Variants in CD38 observed in about 807,000 individuals in gnomAD.
CD38 encodes ADP-ribosyl cyclase/cyclic ADP-ribose hydrolase 1.
Under a neutral mutation model 36.3 loss-of-function variants are expected in CD38, and 31 were observed. The observed-to-expected ratio is 0.85, with a 90% CI of 0.64 to 1.15. CD38 has a LOEUF of 1.15. Among genes scored for constraint, CD38 ranks in the 50% most tolerant of loss-of-function variants. CD38 has a pLI of 0.00. For missense variants in CD38, 380 were observed against 371.9 expected, an observed-to-expected ratio of 1.02 and a Z score of -0.18; for synonymous variants, 131 against 135.2, an observed-to-expected ratio of 0.97 and a Z score of 0.22.
chr4:15,840,431 ACTTTCTT>A lies in CD38; in HGVS notation c.753-12_753-6del, dbSNP rs754374353. ...GTTTGTGAGATCTTGTAATTTTAAT[ACTTTCTT>A]CTTTCTTCCCCAGAGACTTATGCCA... On this transcript the variant is annotated splice_polypyrimidine_tract_variant and intron_variant, in intron 6 of 7. Coordinates refer to ENST00000226279, the MANE Select transcript of CD38 (RefSeq NM_001775.4). 172 of 1,479,888 alleles carry A rather than the reference ACTTTCTT, an allele frequency of 1.2e-4. No homozygotes were observed. Among genetic ancestry groups the A allele is most frequent in the Non-Finnish European group, 1.4e-4 (147 of 1,068,454 alleles). 91.7% of individuals were successfully genotyped at this position (1,479,888 alleles called of 1,614,324 possible).
intron 1 of CD38, among the ~76,000 whole-genome samples, chr4:15,805,920 A>T (rs1051790184): frequency 1.3e-5 from 2 of 152,204 alleles, no homozygotes; most frequent in African/African-American, 4.8e-5. Flanking sequence ...TGACAGCTGT[A>T]AAATTTAAAG....
intron 2 of CD38, among the ~76,000 whole-genome samples, chr4:15,821,210 A>G (rs750909646): frequency 3.3e-5 from 5 of 152,200 alleles, no homozygotes; most frequent in Non-Finnish European, 5.9e-5. Context: ...GGAAATTTAT[A>G]GCACTAAATG....
Position 15,848,503 on chromosome 4 carries a change from G to A in CD38, c.840-36G>A, listed in dbSNP as rs113397939. The A allele has an allele frequency of 2.3e-4, 361 of 1,536,638 alleles. 1 individual carries two copies. In the African/African-American group the frequency reaches 3.8e-3, roughly 16 times the overall value. On this transcript the variant is annotated intron_variant, in intron 7 of 7. Coordinates refer to ENST00000226279, the MANE Select transcript of CD38 (RefSeq NM_001775.4). ...GAATTGGACGACAGATGTATCCTAC[G>A]GTCTCTTGATTTCCTTTTTTGCTTT...
At position 15,848,562 on chromosome 4, in the gene CD38, T is replaced by C. The variant is rs1380894533; in HGVS notation, c.863T>C (p.Val288Ala). 6.2e-7 allele frequency: 1 copy of C among 1,613,978 alleles called. No homozygotes were observed. Among genetic ancestry groups the C allele is most frequent in the Non-Finnish European group, 8.5e-7 (1 of 1,179,858 alleles). Residue 288 changes from valine to alanine, a missense_variant, in exon 8 of 8, where the codon GTG becomes GCG. Physicochemically the swap from Val to Ala is moderately conservative, Grantham distance 64. Transcript: ENST00000226279. ...AGACCTGACAAGTTTCTTCAGTGTG[T>C]GAAAAATCCTGAGGATTCATCTTGC... The part of the protein sequence containing the change: ...IYRPDKFLQC[V>A]KNPEDSSCTS...
chr4:15,840,644 G>T, intron 7 of CD38, 106 bp downstream of exon 7: 1 of 655,574 alleles, frequency 1.5e-6, no homozygotes. Flanking sequence ...AATCTTTCTT[G>T]GGCCTTGATG....
rs183116480 is a variant in CD38 at position 15,778,403 on chromosome 4, G to C, written c.-12G>C. The C allele has an allele frequency of 1.2e-6, 2 of 1,605,610 alleles. No individual in the cohort carries two copies. Among genetic ancestry groups the C allele is most frequent in the Admixed American group, 1.7e-5 (1 of 59,920 alleles). On this transcript the variant is annotated 5_prime_UTR_variant, in exon 1 of 8. Transcript: ENST00000226279. The surrounding 1 kb of genome is among the most constrained non-coding windows in gnomAD (Gnocchi z 4.9). ...GCCTCATCTTCGCCCAGCCAACCCC[G>C]CCTGGAGCCCTATGGCCAACTGCGA...
intron 1 of CD38, among the ~76,000 whole-genome samples, chr4:15,785,154 C>G (rs1284834372): frequency 1.3e-5 from 2 of 151,864 alleles, no homozygotes; most frequent in Non-Finnish European, 2.9e-5. Context: ...GCTATAGTTA[C>G]AAATGGGGAA....
chr4:15,818,229 G>A (rs1029242260), intron 2 of CD38, among the ~76,000 whole-genome samples: 6 of 152,134 alleles, frequency 3.9e-5, no homozygotes, highest in African/African-American at 1.4e-4. Context: ...GTGCTAAGGG[G>A]GCTGGGAAGT....
intron 1 of CD38, among the ~76,000 whole-genome samples, chr4:15,796,682 C>A (rs1723110005): frequency 6.6e-6 from 1 of 152,076 alleles, no homozygotes; most frequent in Non-Finnish European, 1.5e-5. Flanking sequence ...CTGCTACTTG[C>A]TTCTCTTGTA....
intron 5 of CD38, 82 bp downstream of exon 5, chr4:15,838,247 C>A: frequency 1.8e-6 from 2 of 1,132,112 alleles, no homozygotes; most frequent in Non-Finnish European, 2.6e-6. Context: ...AAAGAATATG[C>A]TTTTCATGTT....
chr4:15,796,601 A>G (rs1395912117), intron 1 of CD38, among the ~76,000 whole-genome samples: 1 of 152,176 alleles, frequency 6.6e-6, no homozygotes, highest in African/African-American at 2.4e-5. Context: ...TTTTAAAGAA[A>G]TAACATGTTA....
chr4:15,839,355 G>A (rs866372901), intron 5 of CD38, among the ~76,000 whole-genome samples: 1 of 151,354 alleles, frequency 6.6e-6, no homozygotes, highest in Non-Finnish European at 1.5e-5. Flanking sequence ...TGTGAATCAC[G>A]TGGGGATTGT....
intron 4 of CD38, 78 bp from the exon 5 acceptor site, chr4:15,838,014 A>G (rs936355251): frequency 8.9e-7 from 1 of 1,127,548 alleles, no homozygotes; most frequent in African/African-American, 1.5e-5. Flanking sequence ...AGCTATTGCT[A>G]AGTATTGTTT....
At chr4:15,793,385 T>C (rs1317619905) in intron 1 of CD38, among the ~76,000 whole-genome samples, 1 of 152,160 alleles carries the variant, frequency 6.6e-6, no homozygotes, top group Non-Finnish European at 1.5e-5. Flanking sequence ...AATTTTATGC[T>C]TGTTTCTCTT....
At position 15,788,379 on chromosome 4, in the gene CD38, A is replaced by C. The variant is rs543533253; in HGVS notation, c.233+9732A>C. On this transcript the variant is annotated intron_variant, in intron 1 of 7. Coordinates refer to ENST00000226279, the MANE Select transcript of CD38 (RefSeq NM_001775.4). ...GTTGTTTGTCAGCCGAAACAGGGAAACCTGACACGTTATCCGCCCCCAGGA... is the reference window on the plus strand; with the variant it reads ...GTTGTTTGTCAGCCGAAACAGGGAACCCTGACACGTTATCCGCCCCCAGGA... Among the ~76,000 whole-genome samples the C allele has an allele frequency of 2.1e-3, 324 of 152,044 alleles. 1 individual carries two copies. The highest frequency in any genetic ancestry group is 4.5e-3 in the Admixed American group (68 of 15,272).
At chr4:15,837,724 T>C (rs1281635770) in intron 4 of CD38, among the ~76,000 whole-genome samples, 2 of 152,190 alleles carry the variant, frequency 1.3e-5, no homozygotes, top group African/African-American at 4.8e-5. Flanking sequence ...CATCCACCTG[T>C]TCCCACTAAA....
At chr4:15,840,204 A>G in intron 6 of CD38, 86 bp downstream of exon 6, 1 of 964,964 alleles carries the variant, frequency 1.0e-6, no homozygotes, top group South Asian at 1.3e-5. Context: ...ACTGGGAACA[A>G]ATTGACTCAG....
At chr4:15,822,959 G>A (rs1374095680) in intron 2 of CD38, among the ~76,000 whole-genome samples, 4 of 151,988 alleles carry the variant, frequency 2.6e-5, no homozygotes, top group African/African-American at 9.7e-5. Flanking sequence ...TGCCAAAATA[G>A]CATGGTACTT....
chr4:15,847,816 G>A (rs1183186545), intron 7 of CD38, among the ~76,000 whole-genome samples: 3 of 151,846 alleles, frequency 2.0e-5, no homozygotes, highest in East Asian at 1.9e-4. Flanking sequence ...ATTATAATTC[G>A]TCAACTCCCC....
Sources: gnomAD v4.1 joint callset for allele counts (sites outside exome capture counted in the v4.1 genomes callset) on GRCh38, gnomAD v4.1.1 for gene constraint, Gnocchi (gnomAD v3.1) non-coding constraint, MANE v1.5 for transcripts, NCBI Gene and HGNC (gene_info 2026-07-23, HGNC 2026-07-21) for gene names.